Variants in IQCH observed in about 807,000 individuals in gnomAD.
IQCH encodes IQ motif containing H.
IQCH carries 98 observed loss-of-function variants against 117.0 expected under a neutral mutation model. The ratio of observed to expected loss-of-function variants is 0.84; its 90% CI spans 0.71 to 0.99. The LOEUF is 0.99. IQCH is among the 50% of genes least tolerant of loss of function. IQCH has a pLI of 0.00. For missense variants in IQCH, 1,102 were observed against 1,243.8 expected, an observed-to-expected ratio of 0.89 and a Z score of 1.72; for synonymous variants, 412 against 448.2, an observed-to-expected ratio of 0.92 and a Z score of 1.02.
intron 14 of IQCH, among the ~76,000 whole-genome samples, chr15:67,414,006 T>G (rs2081513271): frequency 6.6e-6 from 1 of 152,160 alleles, no homozygotes; most frequent in Non-Finnish European, 1.5e-5. Flanking sequence ...GGCCCTCACA[T>G]AGTATGTTGC....
chr15:67,372,151 T>A lies in IQCH; in HGVS notation c.794T>A (p.Leu265Gln), dbSNP rs542745101. The A allele has an allele frequency of 1.9e-6, 3 of 1,613,182 alleles. No homozygotes were observed. The South Asian group carries it at 3.3e-5, about 18-fold the overall frequency. Residue 265 changes from leucine (L) to glutamine (Q), a missense_variant, in exon 9 of 21, where the codon CTG becomes CAG. Physicochemically the swap from Leu to Gln is moderately radical, Grantham distance 113. This residue lies in a region of IQCH where 452 missense variants were observed against 449.6 expected (regional missense o/e 1.01). Transcript: ENST00000335894. ...ACACCTTTGAGAGCCCTGAAATCACTGTGGGATTATGACTTTTTAATTTAT... is the reference window on the plus strand; with the variant it reads ...ACACCTTTGAGAGCCCTGAAATCACAGTGGGATTATGACTTTTTAATTTAT... ...VKTPLRALKSLWDYDFLIYDG... is the reference protein window; with the variant it reads ...VKTPLRALKSQWDYDFLIYDG...
intron 4 of IQCH, among the ~76,000 whole-genome samples, chr15:67,290,851 C>T (rs753714972): frequency 3.3e-5 from 5 of 152,116 alleles, no homozygotes; most frequent in African/African-American, 7.2e-5. Flanking sequence ...TCCCTTTCCA[C>T]GTGGAATTTA....
intron 6 of IQCH, 44 bp from the exon 7 acceptor site, chr15:67,357,301 C>T: frequency 7.5e-7 from 1 of 1,332,050 alleles, no homozygotes; most frequent in South Asian, 1.2e-5. Context: ...AGTGACTCAG[C>T]CTCTTCTTCT....
chr15:67,354,195 A>C (rs934845248), intron 6 of IQCH, among the ~76,000 whole-genome samples: 2 of 152,244 alleles, frequency 1.3e-5, no homozygotes, highest in Non-Finnish European at 2.9e-5. Flanking sequence ...GATCAATCTT[A>C]TTTAGGAACA....
At chr15:67,480,056 C>T (rs560603432) in intron 18 of IQCH, among the ~76,000 whole-genome samples, 5 of 152,284 alleles carry the variant, frequency 3.3e-5, no homozygotes, top group South Asian at 2.1e-4. Flanking sequence ...TGGAGAAAGG[C>T]GTCATGTTTA....
Position 67,476,830 on chromosome 15 carries a change from C to A in IQCH, c.2799+1012C>A, listed in dbSNP as rs543007420. Among the ~76,000 whole-genome samples the A allele has an allele frequency of 6.6e-6, 1 of 152,056 alleles. No individual in the cohort carries two copies. On this transcript the variant is annotated intron_variant, in intron 18 of 20. Coordinates refer to ENST00000335894, the MANE Select transcript of IQCH (RefSeq NM_001031715.3). The surrounding 1 kb of genome is among the most constrained non-coding windows in gnomAD (Gnocchi z 4.1). ...CTGTACACTCTTACTTATGGAAGACCCACTTTACAGCACCTCAAACATCTT... is the reference window on the plus strand; with the variant it reads ...CTGTACACTCTTACTTATGGAAGACACACTTTACAGCACCTCAAACATCTT...
chr15:67,434,038 T>A (rs1202796809), intron 16 of IQCH, among the ~76,000 whole-genome samples: 1 of 152,152 alleles, frequency 6.6e-6, no homozygotes, highest in East Asian at 1.9e-4. Flanking sequence ...ATTACCACAA[T>A]CAAGCTAATT....
chr15:67,423,030 G>GT (rs1300548953), intron 16 of IQCH, among the ~76,000 whole-genome samples: 7 of 152,146 alleles, frequency 4.6e-5, no homozygotes, highest in Admixed American at 3.9e-4. Context: ...GAGAGTTTAT[G>GT]TTTTTTGGCA....
chr15:67,333,195 A>G (rs35722009), intron 4 of IQCH, among the ~76,000 whole-genome samples: 30,074 of 152,166 alleles, frequency 0.2, 3,926 homozygotes, highest in East Asian at 0.47. Context: ...TTAAGTTTCA[A>G]CATGTGAATT....
intron 18 of IQCH, among the ~76,000 whole-genome samples, chr15:67,487,684 C>A (rs958031209): frequency 3.3e-5 from 5 of 152,018 alleles, no homozygotes; most frequent in African/African-American, 1.2e-4. Flanking sequence ...AGGTATTAGA[C>A]GACTCTAATG....
At chr15:67,322,588 C>T (rs918028568) in intron 4 of IQCH, among the ~76,000 whole-genome samples, 2 of 152,178 alleles carry the variant, frequency 1.3e-5, no homozygotes, top group African/African-American at 4.8e-5. Flanking sequence ...CCTTGCTCAG[C>T]CCTGGGCCCT....
rs184279862 is a variant in IQCH at position 67,275,728 on chromosome 15, A to T, written c.270-3667A>T. On this transcript the variant is annotated intron_variant, in intron 3 of 20. Transcript: ENST00000335894. ...CCCTGTCTCTACAAAAAAAATTTTT[A>T]AATTTGCTGAGTGTGGTGGCATGTG... 7.2e-4 allele frequency among the ~76,000 whole-genome samples: 109 copies of T among 152,224 alleles called. 1 individual carries two copies. Among genetic ancestry groups the T allele is most frequent in the Middle Eastern group, 3.4e-3 (1 of 294 alleles).
chr15:67,394,733 T>C (rs188895124), intron 12 of IQCH, among the ~76,000 whole-genome samples: 3 of 152,336 alleles, frequency 2.0e-5, no homozygotes, highest in Admixed American at 2.0e-4. Context: ...TTGTGAATCC[T>C]TTCCAGAGTT....
At chr15:67,489,846 A>T (rs2141088737) in intron 18 of IQCH, among the ~76,000 whole-genome samples, 157 bp from the exon 19 acceptor site, 1 of 152,064 alleles carries the variant, frequency 6.6e-6, no homozygotes, top group Admixed American at 6.6e-5. Context: ...TCCAAATTCT[A>T]GAGGCAGCCT....
intron 5 of IQCH, among the ~76,000 whole-genome samples, chr15:67,340,562 G>GAGAGTTATGTCTACATAAC (rs2140672188): frequency 6.7e-6 from 1 of 148,780 alleles, no homozygotes; most frequent in Non-Finnish European, 1.5e-5. Context: ...TTATGTCTTA[G>GAGAGTTATGTCTACATAAC]TACAAAGAGA....
At chr15:67,441,815 A>C (rs2082276634) in intron 16 of IQCH, among the ~76,000 whole-genome samples, 1 of 152,218 alleles carries the variant, frequency 6.6e-6, no homozygotes, top group South Asian at 2.1e-4. Flanking sequence ...CCCCTTCTAG[A>C]CATTGGCTTA....
chr15:67,302,372 T>C (rs1222838608), intron 4 of IQCH, among the ~76,000 whole-genome samples: 2 of 152,174 alleles, frequency 1.3e-5, no homozygotes, highest in Non-Finnish European at 2.9e-5. Flanking sequence ...TCTGCTTCCA[T>C]GCAAAAACCC....
At chr15:67,478,083 C>G (rs546804412) in intron 18 of IQCH, among the ~76,000 whole-genome samples, 2 of 152,240 alleles carry the variant, frequency 1.3e-5, no homozygotes, top group African/African-American at 4.8e-5. Context: ...CTGAAGACAG[C>G]TACAGAAAAG....
intron 4 of IQCH, among the ~76,000 whole-genome samples, chr15:67,304,043 A>G (rs1398033614): frequency 2.0e-5 from 3 of 152,108 alleles, no homozygotes; most frequent in South Asian, 2.1e-4. Flanking sequence ...CAGGTATTCT[A>G]TCTAGTCCTT....
Sources: gnomAD v4.1 joint callset for allele counts (sites outside exome capture counted in the v4.1 genomes callset) on GRCh38, gnomAD v4.1.1 for gene constraint, gnomAD v4.1.1 regional missense constraint, Gnocchi (gnomAD v3.1) non-coding constraint, MANE v1.5 for transcripts, NCBI Gene and HGNC (gene_info 2026-07-23, HGNC 2026-07-21) for gene names.